The following CSMD1 variants were observed in gnomAD, a reference collection of about 807,000 sequenced individuals.
CSMD1 encodes the protein CUB and Sushi multiple domains 1, also known as CUB and sushi domain-containing protein 1.
CSMD1 carries 213 observed loss-of-function variants against 417.5 expected under a neutral mutation model. That is an observed-to-expected ratio of 0.51 (90% CI 0.46 to 0.57). The LOEUF (loss-of-function observed/expected upper bound fraction) is 0.57, where lower values mean the gene tolerates loss of function less well. CSMD1 is among the 20% of genes least tolerant of loss of function. The pLI is 0.00. For missense variants in CSMD1, 6,923 were observed against 4,529.7 expected (o/e 1.53, Z -15.17); for synonymous variants, 2,862 against 1,736.8 (o/e 1.65, Z -16.11).
At chr8:4,452,209 G>C (rs1400112529) in intron 2 of CSMD1, among the ~76,000 whole-genome samples, 1 of 152,072 alleles carries the variant, frequency 6.6e-6, no homozygotes, top group Non-Finnish European at 1.5e-5. Context: ...CTTTTTATCA[G>C]TTTGACTGCC....
At chr8:4,236,865 C>A (rs983214352) in intron 3 of CSMD1, among the ~76,000 whole-genome samples, 1 of 152,168 alleles carries the variant, frequency 6.6e-6, no homozygotes, top group African/African-American at 2.4e-5. Context: ...ACAGAAGCAT[C>A]AGTGACAGGC....
At chr8:4,413,327 G>A (rs796150217) in intron 3 of CSMD1, among the ~76,000 whole-genome samples, 75 of 152,220 alleles carry the variant, frequency 4.9e-4, no homozygotes, top group African/African-American at 1.8e-3. Flanking sequence ...CGCTCGTGGG[G>A]CTGCCCAAAC....
intron 5 of CSMD1, among the ~76,000 whole-genome samples, chr8:3,966,325 C>T (rs1812676090): frequency 1.3e-5 from 2 of 152,152 alleles, no homozygotes. Flanking sequence ...AAAGAAATAG[C>T]ATCTTGCTCA....
At chr8:4,765,786 T>G (rs556996700) in intron 1 of CSMD1, among the ~76,000 whole-genome samples, 361 of 152,230 alleles carry the variant, frequency 2.4e-3, no homozygotes, top group African/African-American at 8.3e-3. Flanking sequence ...AGAGAGAGCC[T>G]GGGGGTTGAT....
intron 1 of CSMD1, among the ~76,000 whole-genome samples, chr8:4,747,179 G>C (rs189175949): frequency 6.6e-6 from 1 of 152,186 alleles, no homozygotes; most frequent in Non-Finnish European, 1.5e-5. Context: ...GAGGAAAGGA[G>C]TCCTTGTTTT....
At chr8:3,027,519 A>C (rs1810021603) in intron 51 of CSMD1, among the ~76,000 whole-genome samples, 1 of 152,246 alleles carries the variant, frequency 6.6e-6, no homozygotes, top group Non-Finnish European at 1.5e-5. Flanking sequence ...TTTAAAAGTC[A>C]ACAATGATTT....
chr8:3,277,899 G>A (rs569641129), intron 26 of CSMD1, among the ~76,000 whole-genome samples: 1 of 152,310 alleles, frequency 6.6e-6, no homozygotes, highest in South Asian at 2.1e-4. Context: ...CTACAAAAGT[G>A]ACAATTTTAT....
At chr8:4,013,773 A>G (rs967932640) in intron 4 of CSMD1, among the ~76,000 whole-genome samples, 4 of 152,188 alleles carry the variant, frequency 2.6e-5, no homozygotes, top group African/African-American at 7.2e-5. Context: ...ATCTGGTTTT[A>G]TACATTAGGC....
At chr8:4,041,516 G>T (rs1029941588) in intron 3 of CSMD1, among the ~76,000 whole-genome samples, 2 of 152,126 alleles carry the variant, frequency 1.3e-5, no homozygotes, top group Non-Finnish European at 2.9e-5. Context: ...CCCAGTGAAA[G>T]AATGTTCAAG....
chr8:4,024,187 A>G (rs1188355322), intron 4 of CSMD1, among the ~76,000 whole-genome samples: 1 of 151,966 alleles, frequency 6.6e-6, no homozygotes, highest in Non-Finnish European at 1.5e-5. Flanking sequence ...GTTCATAAAT[A>G]TAACAGATAG....
intron 3 of CSMD1, among the ~76,000 whole-genome samples, chr8:4,047,105 G>C (rs1002217032): frequency 2.0e-5 from 3 of 152,186 alleles, no homozygotes; most frequent in Non-Finnish European, 2.9e-5. Flanking sequence ...CATTGAAGCT[G>C]TGGCTTCAAT....
intron 1 of CSMD1, among the ~76,000 whole-genome samples, chr8:4,666,110 G>A (rs968170465): frequency 9.3e-5 from 14 of 150,966 alleles, no homozygotes; most frequent in African/African-American, 3.0e-4. Context: ...GTGGTGACTG[G>A]GGGGCGCTGA....
rs545078881 is a variant in CSMD1, at chr8:4,371,233, G to T, written c.415+48720C>A. ...CTGGGCTACATGCTCTCACCGTGGG[G>T]GATTAGGACCAGGTCAGCAGTTTGG... On this transcript the variant is annotated intron_variant, in intron 3 of 69. Coordinates refer to ENST00000635120, the MANE Select transcript of CSMD1 (RefSeq NM_033225.6). Among the ~76,000 whole-genome samples the T allele has an allele frequency of 3.3e-5, 5 of 152,244 alleles. No individual in the cohort carries two copies. The South Asian group carries it at 1.0e-3, about 32-fold the overall frequency.
chr8:3,658,523 C>G (rs2449212), intron 7 of CSMD1, among the ~76,000 whole-genome samples: 36,909 of 149,570 alleles, frequency 0.25, 4,628 homozygotes, highest in East Asian at 0.36. Context: ...TGTCTCATGC[C>G]TGTAATCCCA....
At chr8:4,315,001 G>A (rs1798840725) in intron 3 of CSMD1, among the ~76,000 whole-genome samples, 3 of 152,124 alleles carry the variant, frequency 2.0e-5, no homozygotes, top group South Asian at 4.1e-4. Context: ...AGTACTGACA[G>A]CCCCAGCCTG....
chr8:4,226,854 CCT>C lies in CSMD1; in HGVS notation c.415+193097_415+193098del, dbSNP rs1372755258. ...CAAATGCAAATGCATGTAGTCTCCCCCTGTCTTTAGTTTGGGAATAAGAAATA... is the reference window on the plus strand; with the variant it reads ...CAAATGCAAATGCATGTAGTCTCCCCGTCTTTAGTTTGGGAATAAGAAATA... On this transcript the variant is annotated intron_variant, in intron 3 of 69. Coordinates refer to ENST00000635120, the MANE Select transcript of CSMD1 (RefSeq NM_033225.6). Among the ~76,000 whole-genome samples, 16 of 152,138 alleles carry C rather than the reference CCT, an allele frequency of 1.1e-4. 1 individual carries two copies. Among genetic ancestry groups the C allele is most frequent in the Admixed American group, 7.9e-4 (12 of 15,280 alleles).
intron 1 of CSMD1, among the ~76,000 whole-genome samples, chr8:4,916,989 C>T (rs887012740): frequency 6.6e-6 from 1 of 152,158 alleles, no homozygotes; most frequent in African/African-American, 2.4e-5. Context: ...GGTGTATTAG[C>T]TCATTCTTAC....
intron 2 of CSMD1, among the ~76,000 whole-genome samples, chr8:4,597,628 G>T (rs1204033931): frequency 6.6e-6 from 1 of 152,066 alleles, no homozygotes; most frequent in Non-Finnish European, 1.5e-5. Context: ...CCAAAATTAT[G>T]TACTTGAGAC....
At chr8:3,659,066 G>C (rs1798274373) in intron 7 of CSMD1, among the ~76,000 whole-genome samples, 1 of 152,144 alleles carries the variant, frequency 6.6e-6, no homozygotes, top group African/African-American at 2.4e-5. Context: ...CTTGAAATTA[G>C]TTCTAATTTC....
Sources: allele counts gnomAD v4.1 joint callset (sites outside exome capture counted in the v4.1 genomes callset), GRCh38; gene constraint gnomAD v4.1.1; transcripts MANE v1.5; gene names NCBI Gene and HGNC (gene_info 2026-07-23, HGNC 2026-07-21).